Variants in MARK2 observed in about 807,000 individuals in gnomAD.
The protein encoded by MARK2 is serine/threonine-protein kinase MARK2.
In MARK2, 16 loss-of-function variants were observed where a neutral mutation model predicts 89.8. The ratio of observed to expected loss-of-function variants is 0.18; its 90% confidence interval spans 0.12 to 0.27. The LOEUF (loss-of-function observed/expected upper bound fraction) is 0.27, where lower values mean the gene tolerates loss of function less well. Among genes scored for constraint, MARK2 ranks in the 10% least tolerant of loss-of-function variants. The probability of loss-of-function intolerance (pLI) is 1.00; values close to 1 mark genes in which losing one functional copy is unlikely to be tolerated. For synonymous variants in MARK2, 382 were observed against 399.5 expected (o/e 0.96, Z 0.52); for missense variants, 621 against 1,049.9 (o/e 0.59, Z 5.65).
chr11:63,910,654 T>TTTA lies in MARK2; in HGVS notation c.*1419_*1420insATT, dbSNP rs1554990115. ...TTTATTTTTTATTATTTTATTTTAT[T>TTTA]TTTTTTTTTTTTGATTTATGATGAC... On this transcript the variant is annotated 3_prime_UTR_variant, in exon 19 of 19. Transcript: ENST00000402010. 16,352 of 144,622 alleles carry TTTA rather than the reference T, an allele frequency of 0.11. 1,184 individuals carry two copies. The highest frequency in any genetic ancestry group is 0.16 in the Non-Finnish European group (10,809 of 65,576). 9.0% of individuals were successfully genotyped at this position (144,622 alleles called of 1,614,324 possible). A position where few individuals can be genotyped will look rare whatever the true frequency, so the allele number is the denominator to read the frequency against.
In MARK2 at chr11:63,902,531, T is replaced by C. The variant is rs1186871709; in HGVS notation, c.1235-70T>C. 8.1e-6 allele frequency: 12 copies of C among 1,482,456 alleles called. No individual in the cohort carries two copies. Among genetic ancestry groups the C allele is most frequent in the Non-Finnish European group, 6.5e-6 (7 of 1,078,742 alleles). The allele number at this position is 1,482,456 out of a possible 1,614,324, so 91.8% of individuals were successfully genotyped here. A position where few individuals can be genotyped will look rare whatever the true frequency, so the allele number is the denominator to read the frequency against. ...GGTTGTTGGCCAGCCCTGTAGGAAA[T>C]GAGCATGCGTGGGGCTGGCACTCAG... On this transcript the variant is annotated intron_variant, in intron 12 of 18. Coordinates refer to ENST00000402010, the MANE Select transcript of MARK2 (RefSeq NM_001039469.3). This position sits in a 1 kb window ranked among gnomAD's most constrained non-coding sequence, Gnocchi z 4.2.
chr11:63,839,692 C>G lies in MARK2; in HGVS notation c.54+132C>G, dbSNP rs960532784. On this transcript the variant is annotated intron_variant, in intron 1 of 18. Transcript: ENST00000402010. The stretch of plus-strand genomic sequence containing the variant: ...CCTCGGCTGCCCTGTCATCCGGCTC[C>G]TGGCTCCGGCTCCGCACATCCCGCT... 23 of 655,094 alleles carry G rather than the reference C, an allele frequency of 3.5e-5. No homozygotes were observed. The Admixed American group carries it at 6.2e-4, about 18-fold the overall frequency. 40.6% of individuals were successfully genotyped at this position (655,094 alleles called of 1,614,324 possible). A position where few individuals can be genotyped will look rare whatever the true frequency, so the allele number is the denominator to read the frequency against.
chr11:63,844,324 T>A (rs573481587), intron 1 of MARK2, among the ~76,000 whole-genome samples: 4 of 152,098 alleles, frequency 2.6e-5, no homozygotes, highest in East Asian at 1.9e-4. Context: ...TACAAAAAAA[T>A]TTTTTTAAAT....
chr11:63,846,657 A>AT (rs1302877853), intron 1 of MARK2, among the ~76,000 whole-genome samples: 12,555 of 134,856 alleles, frequency 0.093, 767 homozygotes, highest in South Asian at 0.22. Context: ...GCCAAAAAAA[A>AT]TTTTTTTTTT....
intron 1 of MARK2, among the ~76,000 whole-genome samples, chr11:63,843,512 A>G (rs989919063): frequency 1.3e-5 from 2 of 152,162 alleles, no homozygotes; most frequent in African/African-American, 2.4e-5. Context: ...GGGAGTTTAG[A>G]AGTACTGGTG....
chr11:63,862,900 G>C (rs1364995458), intron 1 of MARK2, among the ~76,000 whole-genome samples: 2 of 152,072 alleles, frequency 1.3e-5, no homozygotes, highest in Non-Finnish European at 2.9e-5. Flanking sequence ...AGAAGCTTTT[G>C]TCTGTGGATC....
At chr11:63,893,390 T>G (rs979372372) in intron 1 of MARK2, among the ~76,000 whole-genome samples, 1 of 23,990 alleles carries the variant, frequency 4.2e-5, no homozygotes, top group Non-Finnish European at 7.5e-5. Context: ...ATATATTCTT[T>G]TTTACTGCCA....
chr11:63,857,436 C>T (rs539005327), intron 1 of MARK2, among the ~76,000 whole-genome samples: 1 of 152,312 alleles, frequency 6.6e-6, no homozygotes, highest in East Asian at 1.9e-4. Flanking sequence ...CTGCCTTGGC[C>T]TCCCAAAGTG....
chr11:63,908,972 C>T lies in MARK2; in HGVS notation c.2102C>T (p.Thr701Ile). 6.4e-7 allele frequency: 1 copy of T among 1,564,420 alleles called. No homozygotes were observed. The highest frequency in any genetic ancestry group is 2.3e-5 in the East Asian group (1 of 43,690). ...RSLRFTWSMKTTSSMEPNEMM... is the reference protein window; with the variant it reads ...RSLRFTWSMKITSSMEPNEMM... ...CTCCGCTTCACGTGGAGTATGAAGA[C>T]CACGAGCTCCATGGAGCCCAACGAG... The change falls in exon 19 of 19, where the codon ACC becomes ATC. Residue 701 changes from threonine (T) to isoleucine (I), a missense_variant. Physicochemically the swap from Thr to Ile is moderately conservative, Grantham distance 89. Around this residue, in one of 5 missense-constraint regions of MARK2, gnomAD observed 397 missense variants for 567.8 expected, o/e 0.70. Coordinates refer to ENST00000402010, the MANE Select transcript of MARK2 (RefSeq NM_001039469.3).
chr11:63,869,044 T>C (rs1226838854), intron 1 of MARK2: 1 of 352,614 alleles, frequency 2.8e-6, no homozygotes, highest in Non-Finnish European at 5.6e-6. Flanking sequence ...AGGATGACCA[T>C]TTTCTTCTTC....
At chr11:63,889,646 C>T (rs1939674870) in intron 1 of MARK2, among the ~76,000 whole-genome samples, 1 of 152,270 alleles carries the variant, frequency 6.6e-6, no homozygotes, top group African/African-American at 2.4e-5. Context: ...TTATTTTCTC[C>T]TCCATGTCCT....
intron 1 of MARK2, among the ~76,000 whole-genome samples, chr11:63,886,116 G>A (rs1939382351): frequency 6.7e-6 from 1 of 149,852 alleles, no homozygotes; most frequent in African/African-American, 2.5e-5. Context: ...GCAACAGAGT[G>A]AGACTCTATC....
intron 1 of MARK2, among the ~76,000 whole-genome samples, chr11:63,840,427 CT>C (rs1204626809): frequency 3.3e-5 from 5 of 152,300 alleles, no homozygotes; most frequent in African/African-American, 1.2e-4. Context: ...CAGCCTTCTA[CT>C]GGGCTCTTTC....
At chr11:63,864,929 C>T (rs1243666489) in intron 1 of MARK2, among the ~76,000 whole-genome samples, 1 of 152,126 alleles carries the variant, frequency 6.6e-6, no homozygotes, top group Non-Finnish European at 1.5e-5. Context: ...GAGAGTCTGA[C>T]TCTGTTGCCC....
chr11:63,906,256 A>G, intron 17 of MARK2, 142 bp downstream of exon 17: 4 of 1,108,818 alleles, frequency 3.6e-6, no homozygotes, highest in Non-Finnish European at 4.6e-6. Context: ...TCTCTCTGCC[A>G]TCTTAAAGGG....
chr11:63,884,435 C>T (rs185199543), intron 1 of MARK2, among the ~76,000 whole-genome samples: 291 of 152,266 alleles, frequency 1.9e-3, no homozygotes, highest in Non-Finnish European at 3.2e-3. Context: ...GGGGGAGCCC[C>T]GCCTCATGGC....
intron 1 of MARK2, among the ~76,000 whole-genome samples, chr11:63,890,703 G>A (rs1239325599): frequency 1.3e-5 from 2 of 152,220 alleles, no homozygotes; most frequent in Non-Finnish European, 2.9e-5. Context: ...CTTCGATTTG[G>A]AAGGTTGTTT....
chr11:63,907,338 G>A (rs1941424047), intron 17 of MARK2, among the ~76,000 whole-genome samples: 1 of 152,222 alleles, frequency 6.6e-6, no homozygotes. Flanking sequence ...AGAGCAGGGA[G>A]GGTGCCTTCC....
At chr11:63,893,106 G>T (rs544281103) in intron 1 of MARK2, among the ~76,000 whole-genome samples, 1 of 151,270 alleles carries the variant, frequency 6.6e-6, no homozygotes, top group African/African-American at 2.4e-5. Context: ...TAGAGACAAG[G>T]TTTTACTATG....
Sources: gnomAD v4.1 joint callset for allele counts (sites outside exome capture counted in the v4.1 genomes callset) on GRCh38, gnomAD v4.1.1 for gene constraint, gnomAD v4.1.1 regional missense constraint, Gnocchi (gnomAD v3.1) non-coding constraint, MANE v1.5 for transcripts, NCBI Gene and HGNC (gene_info 2026-07-23, HGNC 2026-07-21) for gene names.